Variants in RBFOX1 observed in about 807,000 individuals in gnomAD.
The protein encoded by RBFOX1 is RNA binding protein fox-1 homolog 1.
In RBFOX1, 8 loss-of-function variants were observed where a neutral mutation model predicts 57.7. That is an observed-to-expected ratio of 0.14 (90% CI 0.08 to 0.25). The LOEUF (loss-of-function observed/expected upper bound fraction) is 0.25. RBFOX1 is among the 10% of genes least tolerant of loss of function. The pLI, the probability that RBFOX1 is intolerant of heterozygous loss-of-function variation, is 1.00. For missense variants in RBFOX1, 611 were observed against 548.5 expected, an observed-to-expected ratio of 1.11 and a Z score of -1.14; for synonymous variants, 326 against 222.4, an observed-to-expected ratio of 1.47 and a Z score of -4.15.
intron 1 of RBFOX1, among the ~76,000 whole-genome samples, chr16:6,047,182 A>G (rs2095504082): frequency 6.6e-6 from 1 of 152,178 alleles, no homozygotes; most frequent in South Asian, 2.1e-4. Flanking sequence ...CTGACATCCT[A>G]ATGTTCTTTG....
intron 5 of RBFOX1, among the ~76,000 whole-genome samples, chr16:7,560,405 A>G (rs2090035492): frequency 6.8e-6 from 1 of 147,756 alleles, no homozygotes; most frequent in African/African-American, 2.5e-5. Flanking sequence ...GAAACTGACA[A>G]AAGGTGGGCT....
At chr16:5,647,456 A>G (rs1320958504) in intron 3 of RBFOX1, among the ~76,000 whole-genome samples, 2 of 152,192 alleles carry the variant, frequency 1.3e-5, no homozygotes, top group Non-Finnish European at 2.9e-5. Context: ...ACATGTAAAC[A>G]CTGCTGTCCA....
chr16:7,531,022 A>G (rs2079929747), intron 5 of RBFOX1, among the ~76,000 whole-genome samples: 1 of 152,158 alleles, frequency 6.6e-6, no homozygotes, highest in African/African-American at 2.4e-5. Context: ...TCAGCAGTAA[A>G]CCAAGGTTTT....
intron 2 of RBFOX1, among the ~76,000 whole-genome samples, chr16:6,648,992 T>C (rs1015444152): frequency 6.6e-5 from 10 of 152,024 alleles, no homozygotes; most frequent in Non-Finnish European, 1.5e-4. Flanking sequence ...TTCTTAGCAA[T>C]TTTCAAGATT....
At chr16:5,950,538 G>A (rs1342913608) in intron 4 of RBFOX1, among the ~76,000 whole-genome samples, 1 of 152,164 alleles carries the variant, frequency 6.6e-6, no homozygotes, top group Non-Finnish European at 1.5e-5. Context: ...ATCACTACGG[G>A]CTCATAGATC....
chr16:7,520,258 T>C (rs977039704), intron 5 of RBFOX1, among the ~76,000 whole-genome samples: 2 of 152,210 alleles, frequency 1.3e-5, no homozygotes, highest in East Asian at 1.9e-4. Context: ...TTTTAATTTA[T>C]TGTGGTAAAA....
At chr16:7,061,730 G>A (rs2054352966) in intron 4 of RBFOX1, among the ~76,000 whole-genome samples, 1 of 152,052 alleles carries the variant, frequency 6.6e-6, no homozygotes, top group African/African-American at 2.4e-5. Context: ...ACAGCTCCAA[G>A]CAAATCGCTA....
intron 4 of RBFOX1, among the ~76,000 whole-genome samples, chr16:7,105,503 C>T (rs1356760153): frequency 6.6e-6 from 1 of 152,044 alleles, no homozygotes; most frequent in Non-Finnish European, 1.5e-5. Context: ...CCTGAGTCCA[C>T]AAAGTCCATT....
At chr16:6,857,276 T>G (rs1428347614) in intron 3 of RBFOX1, among the ~76,000 whole-genome samples, 1 of 152,142 alleles carries the variant, frequency 6.6e-6, no homozygotes, top group East Asian at 1.9e-4. Context: ...ATCGCAAACT[T>G]ATTAGGAAGA....
At chr16:6,735,797 G>A (rs1199096062) in intron 3 of RBFOX1, among the ~76,000 whole-genome samples, 1 of 152,132 alleles carries the variant, frequency 6.6e-6, no homozygotes, top group Non-Finnish European at 1.5e-5. Flanking sequence ...CTCTCCCCCT[G>A]TGAAGAACAC....
At chr16:7,256,887 C>T (rs189036533) in intron 4 of RBFOX1, among the ~76,000 whole-genome samples, 39 of 152,242 alleles carry the variant, frequency 2.6e-4, no homozygotes, top group Non-Finnish European at 5.0e-4. Context: ...TCTGAAAGTC[C>T]ATCACACCCG....
chr16:5,840,446 G>T (rs1480032096), intron 3 of RBFOX1, among the ~76,000 whole-genome samples: 1 of 152,206 alleles, frequency 6.6e-6, no homozygotes, highest in Non-Finnish European at 1.5e-5. Flanking sequence ...CTGCGGGGTA[G>T]AAAGTCATTT....
intron 1 of RBFOX1, among the ~76,000 whole-genome samples, chr16:5,457,014 G>C (rs577196950): frequency 2.0e-5 from 3 of 152,192 alleles, no homozygotes; most frequent in Non-Finnish European, 2.9e-5. Context: ...AGTTCTAAAG[G>C]CTGGGAATTC....
chr16:7,299,992 A>G (rs755977306), intron 4 of RBFOX1, among the ~76,000 whole-genome samples: 6 of 152,244 alleles, frequency 3.9e-5, no homozygotes, highest in Non-Finnish European at 7.3e-5. Context: ...TGTGAGGCTT[A>G]TGCAATAAGA....
chr16:7,654,605 C>T (rs544065703), intron 12 of RBFOX1, among the ~76,000 whole-genome samples: 26 of 151,696 alleles, frequency 1.7e-4, no homozygotes, highest in Admixed American at 4.6e-4. Context: ...TATTGCCAGG[C>T]GAATGTCAAG....
intron 14 of RBFOX1, among the ~76,000 whole-genome samples, chr16:7,695,270 C>T (rs1383887876): frequency 1.3e-5 from 2 of 152,170 alleles, no homozygotes; most frequent in African/African-American, 2.4e-5. Flanking sequence ...CATCAAATGT[C>T]AGATTATCTC....
chr16:7,557,619 C>CAAAAA (rs1170051114), intron 5 of RBFOX1, among the ~76,000 whole-genome samples: 56 of 38,536 alleles, frequency 1.5e-3, no homozygotes, highest in South Asian at 4.1e-3. Context: ...GACTCTGTCT[C>CAAAAA]AAAAAAAAAA....
At chr16:5,967,074 C>G (rs1453630876) in intron 4 of RBFOX1, among the ~76,000 whole-genome samples, 1 of 150,300 alleles carries the variant, frequency 6.7e-6, no homozygotes, top group African/African-American at 2.4e-5. Context: ...GCCATGACCG[C>G]TCATTTATAT....
At chr16:5,933,662 C>A (rs78233085) in intron 4 of RBFOX1, among the ~76,000 whole-genome samples, 1 of 152,068 alleles carries the variant, frequency 6.6e-6, no homozygotes, top group Admixed American at 6.6e-5. Context: ...TTTGATTGTT[C>A]TCTTTCTGGG....
Sources: gnomAD v4.1 joint callset for allele counts (sites outside exome capture counted in the v4.1 genomes callset) on GRCh38, gnomAD v4.1.1 for gene constraint, MANE v1.5 for transcripts, NCBI Gene and HGNC (gene_info 2026-07-23, HGNC 2026-07-21) for gene names.